The following SMURF1 variants were observed in gnomAD, a reference collection of about 807,000 sequenced individuals.
The protein encoded by SMURF1 is E3 ubiquitin-protein ligase SMURF1.
Under a neutral mutation model 98.0 loss-of-function variants are expected in SMURF1, and 44 were observed. The ratio of observed to expected loss-of-function variants is 0.45; its 90% CI spans 0.35 to 0.58. SMURF1 has a LOEUF of 0.58. SMURF1 is among the 20% of genes least tolerant of loss of function. The pLI is 0.00. For missense variants in SMURF1, 687 were observed against 938.4 expected (o/e 0.73, Z 3.50); for synonymous variants, 396 against 374.9 (o/e 1.06, Z -0.65).
Position 99,045,790 on chromosome 7 carries a change from G to A in SMURF1, c.1164C>T (p.Arg388=), listed in dbSNP as rs147169777. The A allele has an allele frequency of 5.5e-5, 88 of 1,613,248 alleles. 1 individual carries two copies. Among genetic ancestry groups the A allele is most frequent in the South Asian group, 2.2e-4 (20 of 91,062 alleles). The part of the protein sequence containing the change: ...SREEIFEESY[R]QIMKMRPKDL... ...CTTTCGGTCGCATCTTCATTATCTG[G>A]CGGTAAGACTCCTGAAGAGCAACAT... The change falls in exon 11 of 18, where the codon CGC becomes CGT. Residue 388 remains arginine (R), a synonymous_variant. Coordinates refer to ENST00000361368, the MANE Select transcript of SMURF1 (RefSeq NM_181349.3).
At chr7:99,087,966 AAAGT>A (rs1426979863) in intron 1 of SMURF1, among the ~76,000 whole-genome samples, 1 of 152,164 alleles carries the variant, frequency 6.6e-6, no homozygotes, top group Non-Finnish European at 1.5e-5. Context: ...TTAAAAAAAA[AAAGT>A]ATTTGGCCGG....
At chr7:99,135,714 G>A (rs6952161) in intron 1 of SMURF1, among the ~76,000 whole-genome samples, 77,022 of 152,038 alleles carry the variant, frequency 0.51, 21,884 homozygotes, top group East Asian at 0.65. Flanking sequence ...TTTACACACC[G>A]GACTTTACAT....
Position 99,038,376 on chromosome 7 carries a change from A to C in SMURF1, c.1688+12T>G. 3.7e-6 allele frequency: 6 copies of C among 1,613,502 alleles called. No individual in the cohort carries two copies. The highest frequency in any genetic ancestry group is 1.1e-5 in the South Asian group (1 of 91,000). On this transcript the variant is annotated intron_variant, in intron 14 of 17. Transcript: ENST00000361368. ...CCCCAGGCACCTGGCCGTCCCCGACAGGTGGCATTACCGGACGTATTCTTT... is the reference window on the plus strand; with the variant it reads ...CCCCAGGCACCTGGCCGTCCCCGACCGGTGGCATTACCGGACGTATTCTTT...
chr7:99,067,968 C>T (rs1796236981), intron 1 of SMURF1, among the ~76,000 whole-genome samples: 1 of 152,150 alleles, frequency 6.6e-6, no homozygotes, highest in Admixed American at 6.5e-5. Flanking sequence ...CAAAAAAATA[C>T]TACTTGTGGT....
At position 99,042,137 on chromosome 7, in the gene SMURF1, G is replaced by A. The variant is rs751538666; in HGVS notation, c.1352C>T (p.Pro451Leu). The A allele has an allele frequency of 3.7e-6, 6 of 1,613,550 alleles. No individual in the cohort carries two copies. Among genetic ancestry groups the A allele is most frequent in the South Asian group, 1.1e-5 (1 of 90,998 alleles). ...ACTTACGGGGTTGATTGAAGAATCC[G>A]GATTTATTTGCAACATGTAAATATT... Reference protein sequence around the residue: ...TDNIYMLQINPDSSINPDHLS... With the variant: ...TDNIYMLQINLDSSINPDHLS... Residue 451 changes from proline (P) to leucine (L), a missense_variant, in exon 12 of 18, where the codon CCG (proline) becomes CTG (leucine). Physicochemically the swap from Pro to Leu is moderately conservative, Grantham distance 98. Around this residue, in one of 2 missense-constraint regions of SMURF1, gnomAD observed 272 missense variants for 430.0 expected, o/e 0.63. Transcript: ENST00000361368.
At chr7:99,030,718 A>G in intron 17 of SMURF1, 35 bp from the exon 18 acceptor site, 1 of 1,584,562 alleles carries the variant, frequency 6.3e-7, no homozygotes, top group Non-Finnish European at 8.7e-7. Context: ...CCGTGTGGGC[A>G]GTCCAGCCCT....
At chr7:99,066,998 C>CTT (rs376242285) in intron 1 of SMURF1, among the ~76,000 whole-genome samples, 4 of 121,674 alleles carry the variant, frequency 3.3e-5, no homozygotes, top group Non-Finnish European at 3.3e-5. Context: ...ATTTTTTTTT[C>CTT]TTTTTTTTTT....
At chr7:99,061,745 T>A in intron 2 of SMURF1, 54 bp downstream of exon 2, 1 of 1,408,546 alleles carries the variant, frequency 7.1e-7, no homozygotes, top group Non-Finnish European at 9.8e-7. Flanking sequence ...AGTTTAAAAT[T>A]TCAGAAATAC....
chr7:99,143,602 G>C (rs1466769879), intron 1 of SMURF1, 124 bp downstream of exon 1: 16 of 756,836 alleles, frequency 2.1e-5, no homozygotes, highest in Admixed American at 1.2e-4. Flanking sequence ...CACGCCGAAG[G>C]GGGTGACGAG....
chr7:99,088,874 G>A (rs1796739254), intron 1 of SMURF1, among the ~76,000 whole-genome samples: 1 of 151,946 alleles, frequency 6.6e-6, no homozygotes, highest in African/African-American at 2.4e-5. Context: ...AGATCAGCCT[G>A]GCCAACATGG....
chr7:99,101,900 C>T (rs1175794865), intron 1 of SMURF1, among the ~76,000 whole-genome samples: 1 of 151,048 alleles, frequency 6.6e-6, no homozygotes, highest in Non-Finnish European at 1.5e-5. Context: ...TGCCATTGCA[C>T]TCCAGCCTGG....
At chr7:99,040,330 G>C in intron 13 of SMURF1, 48 bp downstream of exon 13, 2 of 1,417,400 alleles carry the variant, frequency 1.4e-6, no homozygotes, top group Non-Finnish European at 1.9e-6. Context: ...TACGATAGAC[G>C]TGGTGGTGGG....
chr7:99,037,070 C>T lies in SMURF1; in HGVS notation c.1806G>A (p.Leu602=). The T allele has an allele frequency of 1.2e-6, 2 of 1,613,882 alleles. No homozygotes were observed. Among genetic ancestry groups the T allele is most frequent in the Non-Finnish European group, 1.7e-6 (2 of 1,180,028 alleles). ...HLLKPFDQKE[L]ELIIGGLDKI... ...ACTCCGCACAGCAGGCACATACCTC[C>T]AGTTCCTTCTGGTCAAAAGGCTTCA... The change falls in exon 15 of 18, where the codon CTG becomes CTA. Residue 602 remains leucine (L), a synonymous_variant. Coordinates refer to ENST00000361368, the MANE Select transcript of SMURF1 (RefSeq NM_181349.3).
intron 1 of SMURF1, among the ~76,000 whole-genome samples, chr7:99,071,134 G>A (rs1011600853): frequency 2.0e-5 from 3 of 150,008 alleles, no homozygotes; most frequent in Non-Finnish European, 3.0e-5. Context: ...ATCTCAGCTC[G>A]TTGCAAACTC....
At chr7:99,049,833 G>T in intron 8 of SMURF1, 124 bp from the exon 9 acceptor site, 1 of 886,938 alleles carries the variant, frequency 1.1e-6, no homozygotes, top group Non-Finnish European at 1.7e-6. Context: ...CTGCTAAGAT[G>T]GACCTTCGTG....
Position 99,040,501 on chromosome 7 carries a change from T to C in SMURF1, c.1427A>G (p.His476Arg). Residue 476 changes from histidine (H) to arginine (R), a missense_variant, in exon 13 of 18, where the codon CAT becomes CGT. His to Arg is a conservative substitution (Grantham distance 29). This residue lies in a region of SMURF1 where 272 missense variants were observed against 430.0 expected (regional missense o/e 0.63). Transcript: ENST00000361368. ...GAAGCCCCCGTTGATGTAGTGTCCA[T>C]GGAACACAGCCAGCCCCATGATCCG... is the stretch of plus-strand genomic sequence containing the variant. ...VGRIMGLAVF[H>R]GHYINGGFTV... is the part of the protein sequence containing the mutation. The C allele has an allele frequency of 1.3e-6, 2 of 1,578,462 alleles. No homozygotes were observed. The highest frequency in any genetic ancestry group is 8.6e-7 in the Non-Finnish European group (1 of 1,162,204).
intron 1 of SMURF1, among the ~76,000 whole-genome samples, chr7:99,082,331 A>G (rs746875744): frequency 2.6e-5 from 4 of 152,188 alleles, no homozygotes; most frequent in Non-Finnish European, 2.9e-5. Flanking sequence ...TTTGTTTGTC[A>G]TATCTAAGAT....
At chr7:99,071,131 C>G (rs1172002244) in intron 1 of SMURF1, among the ~76,000 whole-genome samples, 1 of 151,030 alleles carries the variant, frequency 6.6e-6, no homozygotes, top group Non-Finnish European at 1.5e-5. Context: ...ACGATCTCAG[C>G]TCGTTGCAAA....
intron 6 of SMURF1, 118 bp downstream of exon 6, chr7:99,054,672 C>G: frequency 1.2e-6 from 1 of 818,790 alleles, no homozygotes. Flanking sequence ...ATCCCAACAT[C>G]CTTTATGCAT....
Sources: allele counts gnomAD v4.1 joint callset (sites outside exome capture counted in the v4.1 genomes callset), GRCh38; gene constraint gnomAD v4.1.1; regional missense constraint gnomAD v4.1.1; transcripts MANE v1.5; gene names NCBI Gene and HGNC (gene_info 2026-07-23, HGNC 2026-07-21).